The following GOLGA4 variants were observed in gnomAD, a reference collection of about 807,000 sequenced individuals.
GOLGA4 encodes golgin subfamily A member 4.
GOLGA4 carries 169 observed loss-of-function variants against 265.9 expected under a neutral mutation model. The ratio of observed to expected loss-of-function variants is 0.64; its 90% CI spans 0.56 to 0.72. The LOEUF (loss-of-function observed/expected upper bound fraction) is 0.72, where lower values mean the gene tolerates loss of function less well. Ranked by LOEUF, GOLGA4 falls within the 30% of genes least tolerant of loss-of-function variation. The pLI is 0.00. For synonymous variants in GOLGA4, 923 were observed against 855.8 expected (o/e 1.08, Z -1.37); for missense variants, 2,482 against 2,483.4 (o/e 1.00, Z 0.01).
chr3:37,321,640 A>G (rs1217342319), intron 12 of GOLGA4, 91 bp from the exon 13 acceptor site: 1 of 1,178,214 alleles, frequency 8.5e-7, no homozygotes, highest in African/African-American at 1.5e-5. Context: ...CTGGGTGCAG[A>G]TCAAAAGAAA....
At position 37,332,898 on chromosome 3, in the gene GOLGA4, G is replaced by T. The variant is rs568015694; in HGVS notation, c.6193-2155G>T. Among the ~76,000 whole-genome samples, 4 of 151,140 alleles carry T rather than the reference G, an allele frequency of 2.6e-5. No individual in the cohort carries two copies. The South Asian group carries it at 8.4e-4, about 32-fold the overall frequency. ...GTAATTAATTGCATCTGTGTTCCTT[G>T]TTACTCATATATATTTGTTACTTAT... On this transcript the variant is annotated intron_variant, in intron 16 of 23. Coordinates refer to ENST00000361924, the MANE Select transcript of GOLGA4 (RefSeq NM_002078.5).
At chr3:37,280,511 G>A (rs924194290) in intron 2 of GOLGA4, among the ~76,000 whole-genome samples, 3 of 152,078 alleles carry the variant, frequency 2.0e-5, no homozygotes, top group Non-Finnish European at 4.4e-5. Flanking sequence ...TCTATATGCA[G>A]ATACTCCAAA....
intron 2 of GOLGA4, chr3:37,273,680 G>T: frequency 1.3e-6 from 1 of 751,928 alleles, no homozygotes; most frequent in South Asian, 1.5e-5. Flanking sequence ...ATTAGCATCT[G>T]ACTTTACATT....
intron 2 of GOLGA4, chr3:37,275,761 A>T: frequency 1.2e-6 from 2 of 1,613,294 alleles, no homozygotes; most frequent in Non-Finnish European, 8.5e-7. Context: ...ACGCGGCTGG[A>T]GCATTGGATT....
intron 21 of GOLGA4, among the ~76,000 whole-genome samples, chr3:37,348,587 G>A (rs1305871073): frequency 6.6e-6 from 1 of 152,094 alleles, no homozygotes; most frequent in African/African-American, 2.4e-5. Flanking sequence ...TTTGAGGTGG[G>A]ATAGATAGTT....
At chr3:37,301,489 AAT>A (rs1159482454) in intron 9 of GOLGA4, among the ~76,000 whole-genome samples, 20 of 152,360 alleles carry the variant, frequency 1.3e-4, no homozygotes, top group African/African-American at 4.1e-4. Flanking sequence ...AGTACAGATC[AAT>A]ACTTGTAGTT....
In GOLGA4 at chr3:37,325,589, C is replaced by G; in HGVS notation, c.3703C>G (p.Leu1235Val). 2 of 1,611,980 alleles carry G rather than the reference C, an allele frequency of 1.2e-6. No individual in the cohort carries two copies. Among genetic ancestry groups the G allele is most frequent in the East Asian group, 4.5e-5 (2 of 44,852 alleles). ...CTTATTAGAAGCTAAAACAAATGAGCTAATCAACATTAGTAGTAGTAAAAC... is the reference window on the plus strand; with the variant it reads ...CTTATTAGAAGCTAAAACAAATGAGGTAATCAACATTAGTAGTAGTAAAAC... ...EALLEAKTNE[L>V]INISSSKTNA... Residue 1235 changes from leucine (L) to valine (V), a missense_variant, in exon 14 of 24, where the codon CTA becomes GTA. Coordinates refer to ENST00000361924, the MANE Select transcript of GOLGA4 (RefSeq NM_002078.5).
chr3:37,268,558 G>A (rs2096789670), intron 2 of GOLGA4, among the ~76,000 whole-genome samples: 1 of 151,826 alleles, frequency 6.6e-6, no homozygotes, highest in Non-Finnish European at 1.5e-5. Flanking sequence ...TGTTAAAGTG[G>A]GGCTTTAAAA....
At chr3:37,278,323 C>T (rs1400521079) in intron 2 of GOLGA4, among the ~76,000 whole-genome samples, 1 of 151,986 alleles carries the variant, frequency 6.6e-6, no homozygotes, top group Admixed American at 6.6e-5. Context: ...CCTCAGCCTC[C>T]TGAGTAGCTG....
rs2096847336 is a variant in GOLGA4, at chr3:37,285,941, G to T, written c.478-73G>T. ...ATTTATTTTTTGACTTTCATAAAGA[G>T]AATTTTTTAGTGGACTTTAGAATAA... On this transcript the variant is annotated intron_variant, in intron 3 of 23. Coordinates refer to ENST00000361924, the MANE Select transcript of GOLGA4 (RefSeq NM_002078.5). The T allele has an allele frequency of 6.8e-6, 6 of 884,156 alleles. No individual in the cohort carries two copies. The Admixed American group carries it at 1.4e-4, about 20-fold the overall frequency. The allele number at this position is 884,156 out of a possible 1,614,324, so 54.8% of individuals were successfully genotyped here. A position where few individuals can be genotyped will look rare whatever the true frequency, so the allele number is the denominator to read the frequency against.
intron 11 of GOLGA4, 129 bp downstream of exon 11, chr3:37,315,727 G>A (rs376079353): frequency 3.7e-6 from 3 of 813,030 alleles, no homozygotes; most frequent in Admixed American, 5.5e-5. Flanking sequence ...TGATATTCAG[G>A]TTGTAAAATT....
chr3:37,279,867 A>G (rs982138331), intron 2 of GOLGA4, among the ~76,000 whole-genome samples: 2 of 151,872 alleles, frequency 1.3e-5, no homozygotes, highest in Non-Finnish European at 2.9e-5. Flanking sequence ...AGATCACGCC[A>G]CTGCACTGCA....
At chr3:37,243,805 G>A (rs2096710110) in intron 1 of GOLGA4, 183 bp downstream of exon 1, 1 of 590,924 alleles carries the variant, frequency 1.7e-6, no homozygotes, top group South Asian at 2.1e-5. Context: ...TCCTGACCTG[G>A]ATTTTCCCAT....
chr3:37,321,933 A>C, intron 13 of GOLGA4, 47 bp downstream of exon 13: 2 of 1,498,138 alleles, frequency 1.3e-6, no homozygotes, highest in Non-Finnish European at 1.8e-6. Context: ...AATTATTTGC[A>C]TATGAAAATT....
At position 37,247,921 on chromosome 3, in the gene GOLGA4, C is replaced by T. The variant is rs2096723855; in HGVS notation, c.73-3474C>T. ...GAAGTACGTCCCTCTGCCCTCTAGA[C>T]CCATATTTGAAGGGCTTATGTAATT... On this transcript the variant is annotated intron_variant, in intron 1 of 23. Transcript: ENST00000361924. 2.6e-5 allele frequency among the ~76,000 whole-genome samples: 4 copies of T among 152,168 alleles called. No homozygotes were observed. The South Asian group carries it at 8.3e-4, about 31-fold the overall frequency.
chr3:37,265,142 TG>T (rs2096780215), intron 2 of GOLGA4, among the ~76,000 whole-genome samples: 1 of 151,968 alleles, frequency 6.6e-6, no homozygotes. Flanking sequence ...TGTGTGTGTG[TG>T]TGTGTATAAT....
chr3:37,253,089 A>T (rs1420080022), intron 2 of GOLGA4, among the ~76,000 whole-genome samples: 1 of 150,748 alleles, frequency 6.6e-6, no homozygotes, highest in Non-Finnish European at 1.5e-5. Context: ...TTTCTGCAAA[A>T]ATAAAATAAA....
intron 16 of GOLGA4, among the ~76,000 whole-genome samples, chr3:37,329,512 C>T (rs1467320383): frequency 1.3e-5 from 2 of 152,132 alleles, no homozygotes; most frequent in African/African-American, 2.4e-5. Context: ...TGGAATCTTT[C>T]TGGGAGGGAC....
intron 10 of GOLGA4, among the ~76,000 whole-genome samples, chr3:37,312,423 A>C (rs1306065426): frequency 6.6e-6 from 1 of 152,174 alleles, no homozygotes; most frequent in Non-Finnish European, 1.5e-5. Flanking sequence ...GTAAAAGAAT[A>C]TGTAAAACAA....
Sources: allele counts gnomAD v4.1 joint callset (sites outside exome capture counted in the v4.1 genomes callset), GRCh38; gene constraint gnomAD v4.1.1; transcripts MANE v1.5; gene names NCBI Gene and HGNC (gene_info 2026-07-23, HGNC 2026-07-21).